Variants in COL25A1 observed in about 807,000 individuals in gnomAD.
The protein encoded by COL25A1 is collagen type XXV alpha 1 chain, also known as collagen alpha-1(XXV) chain.
Under a neutral mutation model 128.4 loss-of-function variants are expected in COL25A1, and 103 were observed. That is an observed-to-expected ratio of 0.80 (90% CI 0.68 to 0.94). The LOEUF (loss-of-function observed/expected upper bound fraction) is 0.94. Ranked by LOEUF, COL25A1 falls within the 40% of genes least tolerant of loss-of-function variation. COL25A1 has a pLI of 0.00. For missense variants in COL25A1, 745 were observed against 840.0 expected, an observed-to-expected ratio of 0.89 and a Z score of 1.40; for synonymous variants, 279 against 277.2, an observed-to-expected ratio of 1.01 and a Z score of -0.06.
At chr4:109,285,261 G>C (rs1393098938) in intron 3 of COL25A1, among the ~76,000 whole-genome samples, 1 of 152,176 alleles carries the variant, frequency 6.6e-6, no homozygotes, top group Non-Finnish European at 1.5e-5. Context: ...TGTAGAGCAA[G>C]AATGGTATAC....
At chr4:109,017,650 T>C (rs1226565659) in intron 5 of COL25A1, among the ~76,000 whole-genome samples, 1 of 152,228 alleles carries the variant, frequency 6.6e-6, no homozygotes, top group East Asian at 1.9e-4. Context: ...CACTCACAGA[T>C]AGGCACAGAA....
chr4:109,159,459 C>T (rs1327533107), intron 3 of COL25A1, among the ~76,000 whole-genome samples: 2 of 152,066 alleles, frequency 1.3e-5, no homozygotes, highest in Admixed American at 6.6e-5. Context: ...ACAGGGAATC[C>T]TCTGCACCCC....
chr4:108,847,560 T>C (rs1735256114), intron 27 of COL25A1, among the ~76,000 whole-genome samples: 1 of 151,756 alleles, frequency 6.6e-6, no homozygotes. Context: ...ATGTACTTAG[T>C]GATAGAAGAA....
intron 3 of COL25A1, among the ~76,000 whole-genome samples, chr4:109,085,265 T>C (rs1764249534): frequency 6.6e-6 from 1 of 152,224 alleles, no homozygotes; most frequent in African/African-American, 2.4e-5. Flanking sequence ...TTGTCTTCTA[T>C]GTGAACAGAA....
intron 5 of COL25A1, among the ~76,000 whole-genome samples, chr4:109,014,113 C>T (rs1223962075): frequency 1.3e-5 from 2 of 151,982 alleles, no homozygotes; most frequent in Non-Finnish European, 2.9e-5. Context: ...TTGAGACTAG[C>T]CTGGCAAATA....
chr4:109,012,496 G>C (rs951104452), intron 5 of COL25A1, among the ~76,000 whole-genome samples: 1 of 152,194 alleles, frequency 6.6e-6, no homozygotes, highest in African/African-American at 2.4e-5. Context: ...GCAGGAACTT[G>C]GGCTGCGTGC....
At chr4:109,067,752 G>A (rs1387504794) in intron 3 of COL25A1, among the ~76,000 whole-genome samples, 2 of 152,146 alleles carry the variant, frequency 1.3e-5, no homozygotes, top group Non-Finnish European at 2.9e-5. Context: ...TTGAGGCCAA[G>A]ACTATGGTAA....
chr4:109,129,420 C>A (rs1466450379), intron 3 of COL25A1, among the ~76,000 whole-genome samples: 3 of 152,122 alleles, frequency 2.0e-5, no homozygotes, highest in African/African-American at 4.8e-5. Flanking sequence ...TGAGCCACTG[C>A]GCCCAGCCCT....
intron 3 of COL25A1, among the ~76,000 whole-genome samples, chr4:109,224,427 A>C (rs1259378364): frequency 6.6e-6 from 1 of 152,206 alleles, no homozygotes; most frequent in African/African-American, 2.4e-5. Flanking sequence ...ATATATGTTT[A>C]AATATCAGTC....
At chr4:108,993,264 C>T (rs919213414) in intron 6 of COL25A1, among the ~76,000 whole-genome samples, 1 of 152,162 alleles carries the variant, frequency 6.6e-6, no homozygotes, top group African/African-American at 2.4e-5. Context: ...ATTCCACATA[C>T]GCATGAGAAC....
chr4:108,917,371 A>C (rs1744998310), intron 13 of COL25A1, among the ~76,000 whole-genome samples: 1 of 152,170 alleles, frequency 6.6e-6, no homozygotes. Flanking sequence ...AATGGGTCGC[A>C]GAGTATAAAA....
intron 3 of COL25A1, among the ~76,000 whole-genome samples, chr4:109,058,749 A>C (rs1761671779): frequency 6.6e-6 from 1 of 152,238 alleles, no homozygotes; most frequent in African/African-American, 2.4e-5. Context: ...GCAGCACCAC[A>C]TACACCATTA....
intron 12 of COL25A1, among the ~76,000 whole-genome samples, chr4:108,919,988 T>C (rs1174796874): frequency 6.6e-6 from 1 of 152,056 alleles, no homozygotes; most frequent in Non-Finnish European, 1.5e-5. Context: ...TCTCTAACTC[T>C]TGACCTCAGG....
At chr4:108,817,468 G>A (rs1282383694) in intron 36 of COL25A1, 33 bp from the exon 37 acceptor site, 1 of 1,604,846 alleles carries the variant, frequency 6.2e-7, no homozygotes. Flanking sequence ...AATTCCTCAG[G>A]TTCCATAAGA....
intron 33 of COL25A1, among the ~76,000 whole-genome samples, chr4:108,826,503 A>C (rs1181974660): frequency 6.6e-6 from 1 of 152,098 alleles, no homozygotes; most frequent in African/African-American, 2.4e-5. Context: ...ATGCCACTGC[A>C]CTCCAGCCTA....
chr4:109,060,419 T>C (rs1761859259), intron 3 of COL25A1, among the ~76,000 whole-genome samples: 1 of 152,144 alleles, frequency 6.6e-6, no homozygotes, highest in Non-Finnish European at 1.5e-5. Context: ...CCTCTTGCTA[T>C]GTCAGACCCT....
chr4:108,999,165 A>G (rs1258542756), intron 6 of COL25A1, among the ~76,000 whole-genome samples: 1 of 152,222 alleles, frequency 6.6e-6, no homozygotes, highest in East Asian at 1.9e-4. Flanking sequence ...AACTATCATC[A>G]GAGTGAACAG....
At chr4:108,931,878 A>AC (rs1330349627) in intron 11 of COL25A1, among the ~76,000 whole-genome samples, 4 of 152,194 alleles carry the variant, frequency 2.6e-5, no homozygotes, top group Non-Finnish European at 5.9e-5. Context: ...ATTTATATGT[A>AC]CTTCATGGAC....
chr4:109,119,342 G>T (rs1767903658), intron 3 of COL25A1, among the ~76,000 whole-genome samples: 1 of 151,664 alleles, frequency 6.6e-6, no homozygotes, highest in South Asian at 2.1e-4. Context: ...CAGAATAAAA[G>T]AAATAATAAA....
Sources: allele counts gnomAD v4.1 joint callset (sites outside exome capture counted in the v4.1 genomes callset), GRCh38; gene constraint gnomAD v4.1.1; transcripts MANE v1.5; gene names NCBI Gene and HGNC (gene_info 2026-07-23, HGNC 2026-07-21).